The following BNC2 variants were observed in gnomAD, a reference collection of about 807,000 sequenced individuals.
BNC2 encodes basonuclin zinc finger protein 2.
Under a neutral mutation model 76.3 loss-of-function variants are expected in BNC2, and 20 were observed. The ratio of observed to expected loss-of-function variants is 0.26; its 90% confidence interval spans 0.18 to 0.38. The LOEUF is 0.38. Among genes scored for constraint, BNC2 ranks in the 10% least tolerant of loss-of-function variants. The pLI, the probability that BNC2 is intolerant of heterozygous loss-of-function variation, is 1.00. For missense variants in BNC2, 1,382 were observed against 1,399.8 expected (o/e 0.99, Z 0.20); for synonymous variants, 582 against 514.8 (o/e 1.13, Z -1.77).
At chr9:16,531,983 A>G (rs1817990069) in intron 5 of BNC2, among the ~76,000 whole-genome samples, 1 of 152,046 alleles carries the variant, frequency 6.6e-6, no homozygotes, top group Non-Finnish European at 1.5e-5. Flanking sequence ...TTAACTCCAC[A>G]CTGTTCATTT....
intron 4 of BNC2, among the ~76,000 whole-genome samples, chr9:16,571,101 A>C (rs1819310455): frequency 6.6e-6 from 1 of 152,184 alleles, no homozygotes; most frequent in Admixed American, 6.6e-5. Context: ...AAAAACCAGT[A>C]AAAGAAAACA....
intron 1 of BNC2, among the ~76,000 whole-genome samples, chr9:16,782,065 T>C (rs1826168677): frequency 6.6e-6 from 1 of 151,972 alleles, no homozygotes; most frequent in Non-Finnish European, 1.5e-5. Flanking sequence ...GGGGGGCGGA[T>C]CACGAGCTCA....
At chr9:16,620,699 G>A (rs1820841681) in intron 3 of BNC2, among the ~76,000 whole-genome samples, 1 of 152,190 alleles carries the variant, frequency 6.6e-6, no homozygotes, top group East Asian at 1.9e-4. Context: ...TCAGTGTTAA[G>A]TGCAGAAAAC....
chr9:16,768,226 A>G (rs1825746412), intron 1 of BNC2, among the ~76,000 whole-genome samples: 2 of 152,106 alleles, frequency 1.3e-5, no homozygotes, highest in Admixed American at 1.3e-4. Flanking sequence ...TCAGCGTCCC[A>G]AAGTGCTAGG....
chr9:16,819,284 G>C (rs12004999), intron 1 of BNC2, among the ~76,000 whole-genome samples: 2,135 of 152,320 alleles, frequency 0.014, 67 homozygotes, highest in African/African-American at 0.049. Context: ...AGTTGGAAAT[G>C]TGTCATCGTT....
At chr9:16,529,843 T>A (rs1038710556) in intron 5 of BNC2, among the ~76,000 whole-genome samples, 1 of 152,080 alleles carries the variant, frequency 6.6e-6, no homozygotes, top group African/African-American at 2.4e-5. Context: ...ACTGAGGTTT[T>A]AGTTTTATTT....
intron 5 of BNC2, among the ~76,000 whole-genome samples, chr9:16,546,805 A>G (rs573055341): frequency 1.3e-5 from 2 of 152,342 alleles, no homozygotes; most frequent in East Asian, 1.9e-4. Context: ...AGACTCTCAC[A>G]TATTACATTC....
At chr9:16,588,523 G>A (rs12337676) in intron 3 of BNC2, among the ~76,000 whole-genome samples, 13,787 of 151,924 alleles carry the variant, frequency 0.091, 841 homozygotes, top group African/African-American at 0.17. Context: ...TCCCAATTAT[G>A]ACTCAGTTTA....
chr9:16,514,072 A>G (rs1169431405), intron 5 of BNC2, among the ~76,000 whole-genome samples: 1 of 152,196 alleles, frequency 6.6e-6, no homozygotes, highest in African/African-American at 2.4e-5. Context: ...CTGAGATGGC[A>G]GGATGTCACA....
intron 3 of BNC2, among the ~76,000 whole-genome samples, chr9:16,631,975 C>T (rs1032940604): frequency 2.0e-5 from 3 of 152,162 alleles, no homozygotes; most frequent in Non-Finnish European, 2.9e-5. Context: ...GAACTACCAG[C>T]TGATCTGTGT....
rs553475514 is a variant in BNC2, at chr9:16,702,784, A to G, written c.330+25013T>C. On this transcript the variant is annotated intron_variant, in intron 3 of 6. Transcript: ENST00000380672. ...AACTTCAAGTGTGTTGTCTCATTTC[A>G]TTTTCCTGACAATCTGTAAGCTAAA... Among the ~76,000 whole-genome samples the G allele has an allele frequency of 1.3e-3, 201 of 152,264 alleles. 1 individual carries two copies. Among genetic ancestry groups the G allele is most frequent in the Middle Eastern group, 6.8e-3 (2 of 294 alleles).
chr9:16,552,939 T>C (rs1475502481), intron 4 of BNC2, among the ~76,000 whole-genome samples, 174 bp from the exon 5 acceptor site: 13 of 152,316 alleles, frequency 8.5e-5, no homozygotes, highest in Admixed American at 5.9e-4. Flanking sequence ...TGACACCTCC[T>C]TTCTGTTTTA....
At chr9:16,512,845 ATG>A (rs1563818135) in intron 5 of BNC2, among the ~76,000 whole-genome samples, 3 of 146,912 alleles carry the variant, frequency 2.0e-5, no homozygotes, top group African/African-American at 8.2e-5. Flanking sequence ...TTAAAAAATA[ATG>A]AGATATGGCT....
Position 16,714,173 on chromosome 9 carries a change from C to A in BNC2, c.330+13624G>T, listed in dbSNP as rs1365640268. Among the ~76,000 whole-genome samples, 5 of 152,168 alleles carry A rather than the reference C, an allele frequency of 3.3e-5. No homozygotes were observed. In the East Asian group the frequency reaches 9.6e-4, roughly 29 times the overall value. The stretch of plus-strand genomic sequence containing the variant: ...CGTCTGTGTTACCTTTACATTACAC[C>A]ATTCTCAAAAAGTTTAAACACGGCA... On this transcript the variant is annotated intron_variant, in intron 3 of 6. Transcript: ENST00000380672.
intron 1 of BNC2, among the ~76,000 whole-genome samples, chr9:16,753,103 C>T (rs896604408): frequency 6.6e-6 from 1 of 152,048 alleles, no homozygotes; most frequent in African/African-American, 2.4e-5. Flanking sequence ...ATCTCATTGA[C>T]TCTTCTTTTC....
At chr9:16,510,615 T>A (rs1390607438) in intron 5 of BNC2, among the ~76,000 whole-genome samples, 1 of 152,192 alleles carries the variant, frequency 6.6e-6, no homozygotes, top group East Asian at 1.9e-4. Flanking sequence ...TTTTCCTAGG[T>A]CAGAAATCAA....
chr9:16,862,715 C>G (rs1819441430), intron 1 of BNC2, among the ~76,000 whole-genome samples: 1 of 152,028 alleles, frequency 6.6e-6, no homozygotes, highest in South Asian at 2.1e-4. Flanking sequence ...GTTTTCATTG[C>G]CAGGGGAAGA....
At position 16,576,665 on chromosome 9, in the gene BNC2, C is replaced by T. The variant is rs571960204; in HGVS notation, c.433+6318G>A. Among the ~76,000 whole-genome samples, 10 of 152,292 alleles carry T rather than the reference C, an allele frequency of 6.6e-5. No individual in the cohort carries two copies. In the South Asian group the frequency reaches 1.7e-3, roughly 25 times the overall value. ...TCCTTACAAACTACCATGCCTCCAA[C>T]GAACTTGAGGAATTTGTAAATAAAA... On this transcript the variant is annotated intron_variant, in intron 4 of 6. Transcript: ENST00000380672.
chr9:16,818,721 C>G (rs571949483), intron 1 of BNC2, among the ~76,000 whole-genome samples: 22 of 152,214 alleles, frequency 1.4e-4, no homozygotes, highest in African/African-American at 5.3e-4. Flanking sequence ...GAGATGAGGT[C>G]TCACTAAGTT....
Sources: gnomAD v4.1 joint callset for allele counts (sites outside exome capture counted in the v4.1 genomes callset) on GRCh38, gnomAD v4.1.1 for gene constraint, MANE v1.5 for transcripts, NCBI Gene and HGNC (gene_info 2026-07-23, HGNC 2026-07-21) for gene names.